TLK2: variants seen among roughly 807,000 people sequenced by gnomAD.
TLK2 encodes the protein serine/threonine-protein kinase tousled-like 2.
In TLK2, 6 loss-of-function variants were observed where a neutral mutation model predicts 117.3. That is an observed-to-expected ratio of 0.05 (90% CI 0.03 to 0.10). TLK2 has a LOEUF of 0.10. Among genes scored for constraint, TLK2 ranks in the 10% least tolerant of loss-of-function variants. The pLI, the probability that TLK2 is intolerant of heterozygous loss-of-function variation, is 1.00. For synonymous variants in TLK2, 257 were observed against 316.7 expected, an observed-to-expected ratio of 0.81 and a Z score of 2.00; for missense variants, 299 against 901.2, an observed-to-expected ratio of 0.33 and a Z score of 8.56.
chr17:62,493,737 G>A (rs1420815286), intron 2 of TLK2, among the ~76,000 whole-genome samples: 2 of 152,116 alleles, frequency 1.3e-5, no homozygotes, highest in Non-Finnish European at 2.9e-5. Context: ...AAGCTACCAT[G>A]TAACTTGGCA....
intron 16 of TLK2, among the ~76,000 whole-genome samples, chr17:62,588,442 G>C (rs564955320): frequency 6.6e-6 from 1 of 152,202 alleles, no homozygotes; most frequent in Non-Finnish European, 1.5e-5. Flanking sequence ...CAGAGAGCAC[G>C]TGAAGGGGAT....
At chr17:62,586,824 C>T (rs1007203435) in intron 16 of TLK2, among the ~76,000 whole-genome samples, 7 of 111,676 alleles carry the variant, frequency 6.3e-5, no homozygotes, top group Admixed American at 8.9e-5. Flanking sequence ...GAGACTGCAT[C>T]TCAAAAAAAA....
chr17:62,483,638 A>G (rs1029422608), intron 2 of TLK2, among the ~76,000 whole-genome samples: 52 of 151,254 alleles, frequency 3.4e-4, no homozygotes, highest in Non-Finnish European at 6.2e-4. Flanking sequence ...GATAGCTGGG[A>G]TTACAGGCGT....
intron 7 of TLK2, among the ~76,000 whole-genome samples, chr17:62,542,739 C>T (rs972144184): frequency 6.6e-6 from 1 of 152,124 alleles, no homozygotes; most frequent in African/African-American, 2.4e-5. Context: ...TCTACTGGAT[C>T]TTTTTTTCCC....
intron 1 of TLK2, among the ~76,000 whole-genome samples, 163 bp downstream of exon 1, chr17:62,479,453 G>A (rs967942251): frequency 1.4e-4 from 22 of 152,100 alleles, no homozygotes; most frequent in Non-Finnish European, 2.9e-5. Context: ...TGAGGGCTGC[G>A]GGTCGCTGAG....
intron 1 of TLK2, among the ~76,000 whole-genome samples, chr17:62,472,655 T>C (rs2070963443): frequency 1.3e-5 from 2 of 151,876 alleles, no homozygotes; most frequent in Admixed American, 6.6e-5. Flanking sequence ...GGAGAATCTC[T>C]TGAATCCAGG....
Position 62,614,460 on chromosome 17 carries a change from A to C in TLK2, c.*1895A>C, listed in dbSNP as rs1235433647. On this transcript the variant is annotated 3_prime_UTR_variant, in exon 22 of 22. Coordinates refer to ENST00000346027, the MANE Select transcript of TLK2 (RefSeq NM_006852.6). ...AGTCAGAAAGGGTAGAGAGCTCTCA[A>C]ATAACTCATGACTCTAGTGTTCCTT... is the stretch of plus-strand genomic sequence containing the variant. The C allele has an allele frequency of 6.6e-6, 1 of 152,200 alleles. No homozygotes were observed. Among genetic ancestry groups the C allele is most frequent in the Non-Finnish European group, 1.5e-5 (1 of 68,040 alleles). 9.4% of individuals were successfully genotyped at this position (152,200 alleles called of 1,614,324 possible). A position where few individuals can be genotyped will look rare whatever the true frequency, so the allele number is the denominator to read the frequency against.
chr17:62,536,579 C>T (rs566593416), intron 7 of TLK2, among the ~76,000 whole-genome samples: 2 of 151,960 alleles, frequency 1.3e-5, no homozygotes, highest in Admixed American at 6.6e-5. Flanking sequence ...AAAGCCTGAA[C>T]CCACAATGGG....
chr17:62,525,809 C>T (rs2076334200), intron 6 of TLK2, among the ~76,000 whole-genome samples: 2 of 152,314 alleles, frequency 1.3e-5, no homozygotes, highest in Non-Finnish European at 2.9e-5. Flanking sequence ...CCAATTTGGG[C>T]AGGTTGAGGT....
chr17:62,593,797 T>C (rs2082257732), intron 16 of TLK2, among the ~76,000 whole-genome samples: 1 of 150,008 alleles, frequency 6.7e-6, no homozygotes, highest in Non-Finnish European at 1.5e-5. Flanking sequence ...CTAAATTTTT[T>C]TTTTTTTTTT....
At chr17:62,605,981 G>A (rs1261048566) in intron 19 of TLK2, 149 bp from the exon 20 acceptor site, 3 of 364,156 alleles carry the variant, frequency 8.2e-6, no homozygotes, top group Non-Finnish European at 1.4e-5. Flanking sequence ...TACTCAGCCT[G>A]GGTGACAGAG....
intron 2 of TLK2, among the ~76,000 whole-genome samples, chr17:62,499,829 C>T (rs555131449): frequency 1.5e-4 from 22 of 147,798 alleles, no homozygotes; most frequent in Admixed American, 4.1e-4. Context: ...CTAGCCTGGG[C>T]GACAGAACGA....
intron 7 of TLK2, among the ~76,000 whole-genome samples, chr17:62,540,659 A>C (rs1158957294): frequency 2.6e-5 from 4 of 151,722 alleles, no homozygotes; most frequent in Non-Finnish European, 5.9e-5. Context: ...TTGGCCTCCC[A>C]AAGTGCTGGG....
intron 7 of TLK2, among the ~76,000 whole-genome samples, chr17:62,538,161 G>A (rs1194468934): frequency 1.4e-5 from 2 of 144,978 alleles, no homozygotes; most frequent in Non-Finnish European, 3.0e-5. Context: ...TCAGCCTCCC[G>A]AGTAGCTGGG....
intron 17 of TLK2, among the ~76,000 whole-genome samples, chr17:62,598,832 G>A (rs2147138152): frequency 6.6e-6 from 1 of 152,206 alleles, no homozygotes; most frequent in South Asian, 2.1e-4. Flanking sequence ...TGAAAGTGAG[G>A]CTTTATTTTC....
intron 21 of TLK2, 152 bp from the exon 22 acceptor site, chr17:62,612,239 TG>T: frequency 2.9e-6 from 2 of 691,874 alleles, no homozygotes; most frequent in Non-Finnish European, 4.7e-6. Context: ...TTGTGTTCTT[TG>T]GGTCTGCCTG....
In TLK2 at chr17:62,485,667, A is replaced by G. The variant is rs541692113; in HGVS notation, c.81+4461A>G. On this transcript the variant is annotated intron_variant, in intron 2 of 21. Transcript: ENST00000346027. ...AAAAGATTGACGTTTTCTGTCATGAACTGATGAGGGGAAAGTAGTAATGTG... is the reference window on the plus strand; with the variant it reads ...AAAAGATTGACGTTTTCTGTCATGAGCTGATGAGGGGAAAGTAGTAATGTG... Among the ~76,000 whole-genome samples, 351 of 140,500 alleles carry G rather than the reference A, an allele frequency of 2.5e-3. 2 individuals are homozygous for G. The highest frequency in any genetic ancestry group is 4.1e-3 in the South Asian group (18 of 4,376). The allele number at this position is 140,500 out of a possible 152,430, so 92.2% of individuals were successfully genotyped here.
chr17:62,570,822 T>C (rs1452599057), intron 11 of TLK2, among the ~76,000 whole-genome samples: 1 of 152,196 alleles, frequency 6.6e-6, no homozygotes, highest in Non-Finnish European at 1.5e-5. Context: ...ATATGAATTG[T>C]CCTTGAAAAT....
At chr17:62,517,726 C>T (rs1197085928) in intron 2 of TLK2, among the ~76,000 whole-genome samples, 1 of 151,262 alleles carries the variant, frequency 6.6e-6, no homozygotes, top group African/African-American at 2.4e-5. Context: ...GAGATGGAGT[C>T]TCACTTTGTT....
Sources: allele counts gnomAD v4.1 joint callset (sites outside exome capture counted in the v4.1 genomes callset), GRCh38; gene constraint gnomAD v4.1.1; transcripts MANE v1.5; gene names NCBI Gene and HGNC (gene_info 2026-07-23, HGNC 2026-07-21).